The following UTS2B variants were observed in gnomAD, a reference collection of about 807,000 sequenced individuals.
UTS2B encodes the protein urotensin 2B, also known as urotensin-2B.
UTS2B carries 21 observed loss-of-function variants against 19.2 expected under a neutral mutation model. The observed-to-expected ratio is 1.09, with a 90% CI of 0.78 to 1.58. UTS2B has a LOEUF of 1.58. UTS2B is among the 40% of genes most tolerant of loss of function. UTS2B has a pLI of 0.00. For missense variants in UTS2B, 138 were observed against 130.3 expected (o/e 1.06, Z -0.29); for synonymous variants, 57 against 50.2 (o/e 1.14, Z -0.58).
chr3:191,303,953 A>C (rs1436309374), intron 4 of UTS2B, among the ~76,000 whole-genome samples: 1 of 152,102 alleles, frequency 6.6e-6, no homozygotes, highest in Non-Finnish European at 1.5e-5. Context: ...TTGCAGAAGA[A>C]AGAATTGCCT....
intron 3 of UTS2B, among the ~76,000 whole-genome samples, chr3:191,307,286 T>C (rs942547554): frequency 6.6e-6 from 1 of 152,046 alleles, no homozygotes. Context: ...CCAGACTCAA[T>C]CCGTCTATAC....
chr3:191,343,812 T>C, the UTS2B span, among the ~76,000 whole-genome samples: 1 of 152,234 alleles, frequency 6.6e-6, no homozygotes, highest in Non-Finnish European at 1.5e-5. Context: ...ATTTGGTGGG[T>C]TTATTCAGTA....
the UTS2B span, among the ~76,000 whole-genome samples, chr3:191,336,948 A>G: frequency 6.6e-6 from 1 of 152,238 alleles, no homozygotes; most frequent in Non-Finnish European, 1.5e-5. Context: ...TGGCTTTTAC[A>G]GTGTTTAATG....
intron 2 of UTS2B, among the ~76,000 whole-genome samples, chr3:191,318,795 C>G (rs922187666): frequency 3.3e-5 from 5 of 152,126 alleles, no homozygotes; most frequent in African/African-American, 1.2e-4. Flanking sequence ...TAAGATTTCC[C>G]TCCATACATA....
chr3:191,299,731 A>G (rs775351271), intron 4 of UTS2B, among the ~76,000 whole-genome samples: 1 of 152,230 alleles, frequency 6.6e-6, no homozygotes, highest in Non-Finnish European at 1.5e-5. Context: ...CTGGGAGAAG[A>G]AGGCCACCAT....
intron 4 of UTS2B, among the ~76,000 whole-genome samples, chr3:191,284,019 T>G (rs1479429700): frequency 6.6e-6 from 1 of 152,236 alleles, no homozygotes; most frequent in East Asian, 1.9e-4. Context: ...GATTGTATAA[T>G]TACAAGTCAT....
intron 7 of UTS2B, among the ~76,000 whole-genome samples, chr3:191,275,759 AAG>A (rs1272555598): frequency 2.0e-5 from 3 of 152,130 alleles, no homozygotes; most frequent in East Asian, 1.9e-4. Context: ...AAGAAAAAAA[AAG>A]AGAGAAAATG....
chr3:191,296,251 A>G (rs1047558015), intron 4 of UTS2B, among the ~76,000 whole-genome samples: 8 of 146,686 alleles, frequency 5.5e-5, no homozygotes, highest in African/African-American at 2.0e-4. Flanking sequence ...CCCTTCCCCA[A>G]CTTACACACA....
At chr3:191,307,485 T>G (rs1236779663) in intron 3 of UTS2B, among the ~76,000 whole-genome samples, 1 of 152,146 alleles carries the variant, frequency 6.6e-6, no homozygotes, top group Non-Finnish European at 1.5e-5. Flanking sequence ...CAACATCATG[T>G]GTTTCTGTGT....
At chr3:191,270,369 T>C (rs563125275) in intron 8 of UTS2B, among the ~76,000 whole-genome samples, 1 of 152,112 alleles carries the variant, frequency 6.6e-6, no homozygotes, top group African/African-American at 2.4e-5. Flanking sequence ...GCTAATTTTT[T>C]AAATTTGTTG....
chr3:191,294,076 C>T (rs1034514080), intron 4 of UTS2B, among the ~76,000 whole-genome samples: 1 of 151,702 alleles, frequency 6.6e-6, no homozygotes, highest in African/African-American at 2.4e-5. Context: ...CCATTGCACT[C>T]CAGCCTGGGC....
chr3:191,275,798 G>A (rs150914808), intron 7 of UTS2B, among the ~76,000 whole-genome samples: 185 of 151,942 alleles, frequency 1.2e-3, no homozygotes, highest in African/African-American at 4.1e-3. Flanking sequence ...AGAGAAAAAG[G>A]GGGAAATAGA....
At chr3:191,287,489 G>A (rs568912910) in intron 4 of UTS2B, among the ~76,000 whole-genome samples, 1 of 152,018 alleles carries the variant, frequency 6.6e-6, no homozygotes, top group South Asian at 2.1e-4. Context: ...TTAATCGAAC[G>A]AAGAACAAAA....
chr3:191,297,639 T>TC (rs1029266417), intron 4 of UTS2B, among the ~76,000 whole-genome samples: 1 of 145,264 alleles, frequency 6.9e-6, no homozygotes, highest in Non-Finnish European at 1.5e-5. Flanking sequence ...CTGGGTGGCC[T>TC]GAGGACAAGG....
At chr3:191,274,051 G>A (rs769464885) in intron 8 of UTS2B, among the ~76,000 whole-genome samples, 2 of 151,704 alleles carry the variant, frequency 1.3e-5, no homozygotes, top group African/African-American at 2.4e-5. Flanking sequence ...GCAGTGAGCC[G>A]AGATTGTGCC....
At chr3:191,282,056 C>A (rs1208014849) in intron 5 of UTS2B, 31 bp downstream of exon 5, 2 of 1,450,606 alleles carry the variant, frequency 1.4e-6, no homozygotes, top group Admixed American at 1.9e-5. Flanking sequence ...TACTTACCCA[C>A]CTGTAGGATT....
the UTS2B span, among the ~76,000 whole-genome samples, chr3:191,340,539 T>C: frequency 6.6e-6 from 1 of 152,236 alleles, no homozygotes; most frequent in African/African-American, 2.4e-5. Flanking sequence ...TTTTCCTTCA[T>C]ACCCTTCTTG....
chr3:191,275,468 C>A (rs946057551), intron 7 of UTS2B, 123 bp from the exon 8 acceptor site: 20 of 689,522 alleles, frequency 2.9e-5, no homozygotes, highest in Non-Finnish European at 4.3e-5. Context: ...GTCACGAGGT[C>A]AGGCGATCAA....
At chr3:191,289,453 A>G (rs1716654242) in intron 4 of UTS2B, among the ~76,000 whole-genome samples, 1 of 140,614 alleles carries the variant, frequency 7.1e-6, no homozygotes, top group South Asian at 2.3e-4. Flanking sequence ...TAAATAAAAA[A>G]CAAACGAAAT....
Sources: gnomAD v4.1 joint callset for allele counts (sites outside exome capture counted in the v4.1 genomes callset) on GRCh38, gnomAD v4.1.1 for gene constraint, MANE v1.5 for transcripts, NCBI Gene and HGNC (gene_info 2026-07-23, HGNC 2026-07-21) for gene names.